The following CASP2 variants were observed in gnomAD, a reference collection of about 807,000 sequenced individuals.
CASP2 encodes the protein caspase-2.
A neutral mutation model predicts 54.4 loss-of-function variants in CASP2; 38 were observed. That is an observed-to-expected ratio of 0.70 (90% CI 0.54 to 0.92). The LOEUF is 0.92. Among genes scored for constraint, CASP2 ranks in the 40% least tolerant of loss-of-function variants. The pLI, the probability that CASP2 is intolerant of heterozygous loss-of-function variation, is 0.00. For missense variants in CASP2, 512 were observed against 579.6 expected (o/e 0.88, Z 1.20); for synonymous variants, 215 against 216.3 (o/e 0.99, Z 0.05).
intron 4 of CASP2, among the ~76,000 whole-genome samples, chr7:143,293,667 A>G (rs1010715877): frequency 6.6e-6 from 1 of 151,574 alleles, no homozygotes; most frequent in African/African-American, 2.4e-5. Context: ...GTGCCACCAT[A>G]CCCAGCTAAT....
chr7:143,301,603 A>G (rs558209214), intron 8 of CASP2: 2 of 152,274 alleles, frequency 1.3e-5, no homozygotes, highest in African/African-American at 2.4e-5. Context: ...TTTTTAGATA[A>G]GATAAGGCTT....
At chr7:143,300,375 C>T (rs760739852) in intron 8 of CASP2, 81 bp downstream of exon 8, 1 of 1,603,236 alleles carries the variant, frequency 6.2e-7, no homozygotes, top group Non-Finnish European at 8.5e-7. Context: ...GTTTGCTCCT[C>T]TCAGGTGCTA....
chr7:143,293,288 T>A, intron 4 of CASP2: 1 of 450,230 alleles, frequency 2.2e-6, no homozygotes, highest in Non-Finnish European at 3.9e-6. Flanking sequence ...CCACCACACC[T>A]AGCTCATTTT....
At chr7:143,304,809 T>C (rs1471535489) in intron 10 of CASP2, 26 bp downstream of exon 10, 11 of 1,606,350 alleles carry the variant, frequency 6.8e-6, no homozygotes, top group Admixed American at 1.7e-5. Context: ...CCGTGACCCC[T>C]GTGTGTCTCC....
chr7:143,305,167 C>A lies in CASP2; in HGVS notation c.*96C>A. The A allele has an allele frequency of 6.7e-7, 1 of 1,486,182 alleles. No homozygotes were observed. The highest frequency in any genetic ancestry group is 9.3e-7 in the Non-Finnish European group (1 of 1,071,378). 92.1% of individuals were successfully genotyped at this position (1,486,182 alleles called of 1,614,324 possible). A position where few individuals can be genotyped will look rare whatever the true frequency, so the allele number is the denominator to read the frequency against. ...TTCAGGATGCACGGTTTCTGTTCTG[C>A]CCCCTCAGGGATGTGGGAATCTCCC... On this transcript the variant is annotated 3_prime_UTR_variant, in exon 11 of 11. Coordinates refer to ENST00000310447, the MANE Select transcript of CASP2 (RefSeq NM_032982.4).
intron 5 of CASP2, 79 bp downstream of exon 5, chr7:143,294,403 T>C (rs1008346944): frequency 1.6e-5 from 18 of 1,110,218 alleles, no homozygotes; most frequent in Non-Finnish European, 1.2e-5. Context: ...TTAGTTTGCA[T>C]GTACATTTCC....
chr7:143,291,595 C>T lies in CASP2; in HGVS notation c.130C>T (p.Arg44Ter), dbSNP rs910498292. 7 of 1,613,796 alleles carry T rather than the reference C, an allele frequency of 4.3e-6. No individual in the cohort carries two copies. The highest frequency in any genetic ancestry group is 1.1e-5 in the South Asian group (1 of 91,074). The change falls in exon 2 of 11, where the codon CGA (arginine) becomes TGA (stop). Residue 44 changes from arginine (R) to a stop codon, truncating the protein, a stop_gained. Transcript: ENST00000310447. LOFTEE classifies it high-confidence loss of function. ...PHHQETLKKN[R>*]VVLAKQLLLS... ...TCATCAGGAAACTCTAAAAAAGAACCGAGTGGTGCTAGCCAAACAGCTGTT... is the reference window on the plus strand; with the variant it reads ...TCATCAGGAAACTCTAAAAAAGAACTGAGTGGTGCTAGCCAAACAGCTGTT...
intron 6 of CASP2, among the ~76,000 whole-genome samples, chr7:143,296,034 A>G (rs538311081): frequency 4.6e-5 from 7 of 152,286 alleles, no homozygotes; most frequent in South Asian, 4.1e-4. Context: ...CTAGAAATCT[A>G]TTATGTCATG....
At chr7:143,291,722 G>A (rs1181416611) in intron 2 of CASP2, 32 bp downstream of exon 2, 2 of 1,580,690 alleles carry the variant, frequency 1.3e-6, no homozygotes, top group African/African-American at 2.7e-5. Context: ...AAGATAAATT[G>A]ATCATGGGGT....
chr7:143,306,940 T>G lies in CASP2; in HGVS notation c.*1869T>G, dbSNP rs1802082184. 6.6e-6 allele frequency: 1 copy of G among 152,256 alleles called. No individual in the cohort carries two copies. Among genetic ancestry groups the G allele is most frequent in the Admixed American group, 6.5e-5 (1 of 15,272 alleles). 9.4% of individuals were successfully genotyped at this position (152,256 alleles called of 1,614,324 possible). A position where few individuals can be genotyped will look rare whatever the true frequency, so the allele number is the denominator to read the frequency against. On this transcript the variant is annotated 3_prime_UTR_variant, in exon 11 of 11. Transcript: ENST00000310447. ...CTTCCCCTTGAACCTCATTAAATGGTGATTTCTTGCTAAGCTCCAGCCCGA... is the reference window on the plus strand; with the variant it reads ...CTTCCCCTTGAACCTCATTAAATGGGGATTTCTTGCTAAGCTCCAGCCCGA...
intron 4 of CASP2, 36 bp downstream of exon 4, chr7:143,292,734 G>A: frequency 6.5e-7 from 1 of 1,548,396 alleles, no homozygotes; most frequent in Non-Finnish European, 8.9e-7. Flanking sequence ...TCCCAGGCCA[G>A]GTGCCACGGC....
chr7:143,307,673 A>G lies in CASP2; in HGVS notation c.*2602A>G, dbSNP rs1219586200. 6.6e-6 allele frequency: 1 copy of G among 152,186 alleles called. No homozygotes were observed. The highest frequency in any genetic ancestry group is 1.5e-5 in the Non-Finnish European group (1 of 68,040). The allele number at this position is 152,186 out of a possible 1,614,324, so 9.4% of individuals were successfully genotyped here. On this transcript the variant is annotated 3_prime_UTR_variant, in exon 11 of 11. Coordinates refer to ENST00000310447, the MANE Select transcript of CASP2 (RefSeq NM_032982.4). ...ATTTTGTATTGCCATCGGGTGCCAA[A>G]TAAATGCTCATATTTATTACTGATG...
At chr7:143,291,126 C>T (rs572990674) in intron 1 of CASP2, among the ~76,000 whole-genome samples, 1 of 152,262 alleles carries the variant, frequency 6.6e-6, no homozygotes, top group East Asian at 1.9e-4. Context: ...TGTTTTAACC[C>T]TCATCTAAGA....
rs1801600296 is a variant in CASP2, at chr7:143,292,362, C to G, written c.288C>G (p.Pro96=). Residue 96 remains proline (P), a synonymous_variant, in exon 3 of 11, where the codon CCC becomes CCG. Transcript: ENST00000310447. ...TCAACTTGCTGCCTAAGAGGGGTCC[C>G]CAAGCTTTTGATGCCTTCTGTGAAG... The part of the protein sequence containing the change: ...ELLNLLPKRG[P]QAFDAFCEAL... The G allele has an allele frequency of 6.2e-7, 1 of 1,614,170 alleles. No individual in the cohort carries two copies. Among genetic ancestry groups the G allele is most frequent in the Non-Finnish European group, 8.5e-7 (1 of 1,180,030 alleles).
chr7:143,292,436 C>G lies in CASP2; in HGVS notation c.362C>G (p.Thr121Ser). The G allele has an allele frequency of 6.2e-7, 1 of 1,614,114 alleles. No individual in the cohort carries two copies. Among genetic ancestry groups the G allele is most frequent in the Non-Finnish European group, 8.5e-7 (1 of 1,180,034 alleles). ...QGHLEDMLLT[T>S]LSGLQHVLPP... ...CACCTGGAGGATATGTTGCTCACCA[C>G]CCTTTCTGGGCTTCAGCATGTACTC... The change falls in exon 3 of 11, where the codon ACC becomes AGC. Residue 121 changes from threonine to serine, a missense_variant. Thr to Ser is a moderately conservative substitution (Grantham distance 58). Transcript: ENST00000310447.
chr7:143,300,149 T>C, intron 7 of CASP2, 55 bp from the exon 8 acceptor site: 1 of 1,612,102 alleles, frequency 6.2e-7, no homozygotes, highest in South Asian at 1.1e-5. Flanking sequence ...TGTGTAGGAC[T>C]TAGGAGGCCC....
intron 2 of CASP2, 91 bp from the exon 3 acceptor site, chr7:143,292,209 G>A (rs934569764): frequency 1.5e-6 from 2 of 1,305,288 alleles, no homozygotes; most frequent in Non-Finnish European, 2.2e-6. Flanking sequence ...AAGAATTCTT[G>A]GATGAGGACA....
chr7:143,299,833 A>T, intron 6 of CASP2, 90 bp from the exon 7 acceptor site: 1 of 1,442,112 alleles, frequency 6.9e-7, no homozygotes, highest in Non-Finnish European at 9.7e-7. Context: ...TTTATCTTCT[A>T]ATAGCTTAGG....
chr7:143,288,598 C>A, intron 1 of CASP2, 69 bp downstream of exon 1: 1 of 1,390,390 alleles, frequency 7.2e-7, no homozygotes, highest in Non-Finnish European at 1.0e-6. Flanking sequence ...CCCAGGCGTG[C>A]GGCCCTGCAG....
Sources: allele counts gnomAD v4.1 joint callset (sites outside exome capture counted in the v4.1 genomes callset), GRCh38; gene constraint gnomAD v4.1.1; transcripts MANE v1.5; gene names NCBI Gene and HGNC (gene_info 2026-07-23, HGNC 2026-07-21).